PLEKHG1: variants seen among roughly 807,000 people sequenced by gnomAD.
PLEKHG1 encodes pleckstrin homology domain-containing family G member 1.
A neutral mutation model predicts 100.8 loss-of-function variants in PLEKHG1; 44 were observed. The observed-to-expected ratio is 0.44, with a 90% CI of 0.34 to 0.56. The LOEUF (loss-of-function observed/expected upper bound fraction) is 0.56. PLEKHG1 is among the 20% of genes least tolerant of loss of function. The probability of loss-of-function intolerance (pLI) is 0.01; values close to 1 mark genes in which losing one functional copy is unlikely to be tolerated. For synonymous variants in PLEKHG1, 640 were observed against 662.5 expected, an observed-to-expected ratio of 0.97 and a Z score of 0.52; for missense variants, 1,545 against 1,720.9, an observed-to-expected ratio of 0.90 and a Z score of 1.81.
At chr6:150,727,753 C>T (rs910730703) in intron 1 of PLEKHG1, among the ~76,000 whole-genome samples, 4 of 152,206 alleles carry the variant, frequency 2.6e-5, no homozygotes, top group African/African-American at 7.2e-5. Flanking sequence ...TCACAATCCT[C>T]TAAGTGGGTG....
intron 2 of PLEKHG1, among the ~76,000 whole-genome samples, chr6:150,647,884 G>A (rs1778568311): frequency 6.6e-6 from 1 of 152,078 alleles, no homozygotes; most frequent in South Asian, 2.1e-4. Flanking sequence ...GATTGTAAAA[G>A]CCCTCTTGCT....
Position 150,838,409 on chromosome 6 carries a change from G to A in PLEKHG1, c.3095-1424G>A, listed in dbSNP as rs141950995. On this transcript the variant is annotated intron_variant, in intron 15 of 15. Transcript: ENST00000358517. ...AAACATTAAGGGTTTTTTTTATTTTGAGATTTTTAAAAAGCTCATCAGCTA... is the reference window on the plus strand; with the variant it reads ...AAACATTAAGGGTTTTTTTTATTTTAAGATTTTTAAAAAGCTCATCAGCTA... Among the ~76,000 whole-genome samples, 1,158 of 152,028 alleles carry A rather than the reference G, an allele frequency of 7.6e-3. 11 individuals are homozygous for A. The highest frequency in any genetic ancestry group is 0.011 in the Non-Finnish European group (763 of 67,944).
intron 3 of PLEKHG1, among the ~76,000 whole-genome samples, chr6:150,689,972 G>T (rs1326543028): frequency 2.0e-5 from 3 of 151,786 alleles, no homozygotes; most frequent in African/African-American, 7.3e-5. Context: ...AGTTGCAATT[G>T]TTTCCCACTC....
chr6:150,758,313 C>A (rs1783959752), intron 2 of PLEKHG1, among the ~76,000 whole-genome samples: 1 of 149,822 alleles, frequency 6.7e-6, no homozygotes, highest in African/African-American at 2.5e-5. Flanking sequence ...TTCTCTGCAA[C>A]CTTGCTAGCA....
chr6:150,714,393 C>T (rs949375547), intron 3 of PLEKHG1, among the ~76,000 whole-genome samples: 1 of 152,124 alleles, frequency 6.6e-6, no homozygotes, highest in Admixed American at 6.6e-5. Flanking sequence ...AAAATGAACC[C>T]AGGGAGGAAT....
chr6:150,662,371 C>A (rs1460450455), intron 3 of PLEKHG1: 7 of 152,138 alleles, frequency 4.6e-5, no homozygotes, highest in Non-Finnish European at 8.8e-5. Context: ...AATAAACAAC[C>A]ATTTACAAAG....
chr6:150,604,508 T>C (rs1776501540), intron 1 of PLEKHG1, among the ~76,000 whole-genome samples: 1 of 152,238 alleles, frequency 6.6e-6, no homozygotes, highest in Non-Finnish European at 1.5e-5. Context: ...ACAGGCTGGA[T>C]GTAGCCTGCA....
intron 10 of PLEKHG1, among the ~76,000 whole-genome samples, chr6:150,810,542 GAAAGGAAGGAAAGAAAGAAA>G (rs1232931303): frequency 1.6e-4 from 18 of 115,162 alleles, no homozygotes; most frequent in Admixed American, 1.0e-3. Flanking sequence ...AAGAAAGGAA[GAAAGGAAGGAAAGAAAGAAA>G]GAAAATTGAG....
intron 1 of PLEKHG1, among the ~76,000 whole-genome samples, chr6:150,620,485 G>A (rs1777253394): frequency 6.6e-6 from 1 of 152,200 alleles, no homozygotes; most frequent in Non-Finnish European, 1.5e-5. Flanking sequence ...AAGAGGGGAA[G>A]GGCTCTATGT....
At chr6:150,726,997 A>G (rs985191405) in intron 1 of PLEKHG1, among the ~76,000 whole-genome samples, 2 of 152,206 alleles carry the variant, frequency 1.3e-5, no homozygotes, top group Admixed American at 1.3e-4. Context: ...TGTATATTAA[A>G]CGAACATCAC....
At chr6:150,706,976 C>CT (rs1781035833) in intron 3 of PLEKHG1, among the ~76,000 whole-genome samples, 8 of 46,198 alleles carry the variant, frequency 1.7e-4, no homozygotes, top group Admixed American at 2.5e-4. Flanking sequence ...TTCTTTTTTT[C>CT]TTTTCTTTTC....
chr6:150,735,990 C>CT (rs1782539761), intron 2 of PLEKHG1, among the ~76,000 whole-genome samples: 1 of 152,118 alleles, frequency 6.6e-6, no homozygotes, highest in Non-Finnish European at 1.5e-5. Context: ...GTGTTCTTGC[C>CT]TTTTTTCTTT....
chr6:150,782,984 C>A (rs894412512), intron 3 of PLEKHG1, among the ~76,000 whole-genome samples: 1 of 151,776 alleles, frequency 6.6e-6, no homozygotes, highest in Non-Finnish European at 1.5e-5. Context: ...AAGAAAAGTA[C>A]AAAATCATTA....
In PLEKHG1 at chr6:150,617,770, C is replaced by T. The variant is rs576805143; in HGVS notation, c.-204+17753C>T. ...GCTTAAAATGCAGAGGATTTCCTTC[C>T]ATTCTTTGAGGACATTTGACAGACA... is the stretch of plus-strand genomic sequence containing the variant. On this transcript the variant is annotated intron_variant, in intron 1 of 3. Transcript: ENST00000367326. Among the ~76,000 whole-genome samples, 10 of 152,324 alleles carry T rather than the reference C, an allele frequency of 6.6e-5. No homozygotes were observed. The South Asian group carries it at 2.1e-3, about 32-fold the overall frequency.
intron 1 of PLEKHG1, among the ~76,000 whole-genome samples, chr6:150,619,562 AT>A (rs1434202335): frequency 1.3e-5 from 2 of 152,158 alleles, no homozygotes; most frequent in East Asian, 3.8e-4. Context: ...TTTATTCCTG[AT>A]ACCCACTGAG....
intron 3 of PLEKHG1, among the ~76,000 whole-genome samples, chr6:150,675,597 T>G (rs973817125): frequency 6.6e-6 from 1 of 152,254 alleles, no homozygotes; most frequent in Non-Finnish European, 1.5e-5. Flanking sequence ...GTTTTTGTTT[T>G]TGAGACGGAG....
chr6:150,637,097 A>G (rs1336249410), intron 1 of PLEKHG1, among the ~76,000 whole-genome samples: 1 of 152,242 alleles, frequency 6.6e-6, no homozygotes, highest in East Asian at 1.9e-4. Context: ...GACTCTGCCT[A>G]TTACAGTGTC....
chr6:150,803,771 T>A (rs1396429373), intron 6 of PLEKHG1, among the ~76,000 whole-genome samples: 4 of 152,116 alleles, frequency 2.6e-5, no homozygotes, highest in African/African-American at 4.8e-5. Flanking sequence ...GTAAAGATAG[T>A]TTTCGCTATA....
chr6:150,803,316 T>C (rs992593585), intron 6 of PLEKHG1, among the ~76,000 whole-genome samples: 1 of 152,218 alleles, frequency 6.6e-6, no homozygotes, highest in African/African-American at 2.4e-5. Flanking sequence ...AACCATCTAA[T>C]TGATTACAAT....
Sources: gnomAD v4.1 joint callset for allele counts (sites outside exome capture counted in the v4.1 genomes callset) on GRCh38, gnomAD v4.1.1 for gene constraint, MANE v1.5 for transcripts, NCBI Gene and HGNC (gene_info 2026-07-23, HGNC 2026-07-21) for gene names.